Variants in CFAP99 observed in about 807,000 individuals in gnomAD.
CFAP99 encodes cilia and flagella associated protein 99, also known as cilia- and flagella-associated protein 99.
CFAP99 carries 84 observed loss-of-function variants against 82.7 expected under a neutral mutation model. That is an observed-to-expected ratio of 1.02 (90% confidence interval 0.85 to 1.22). The LOEUF (loss-of-function observed/expected upper bound fraction) is 1.22, where lower values mean the gene tolerates loss of function less well. Among genes scored for constraint, CFAP99 ranks in the 50% most tolerant of loss-of-function variants. CFAP99 has a pLI of 0.00. For missense variants in CFAP99, 1,059 were observed against 983.5 expected, an observed-to-expected ratio of 1.08 and a Z score of -1.03; for synonymous variants, 456 against 429.5, an observed-to-expected ratio of 1.06 and a Z score of -0.76.
In CFAP99 at chr4:2,460,217, G is replaced by A; in HGVS notation, c.1636G>A (p.Ala546Thr). ...GGAGCAGATCTCGCTGTGCCGTGCA[G>A]CCATGGGGAGATCCGCAGCCTTGAG... is the stretch of plus-strand genomic sequence containing the variant. Residue 546 changes from alanine to threonine, a missense_variant, in exon 14 of 15, where the codon GCC (alanine) becomes ACC (threonine). Coordinates refer to ENST00000635017, the Ensembl canonical transcript of CFAP99. 2.6e-6 allele frequency: 4 copies of A among 1,536,168 alleles called. No individual in the cohort carries two copies. In the South Asian group the frequency reaches 4.8e-5, roughly 18 times the overall value.
chr4:2,439,878 C>G (rs1030943784), intron 4 of CFAP99, among the ~76,000 whole-genome samples: 1 of 151,866 alleles, frequency 6.6e-6, no homozygotes, highest in Non-Finnish European at 1.5e-5. Flanking sequence ...GGGTCTCGCT[C>G]TGTCGCCCAG....
chr4:2,445,301 C>T (rs576917731), exon 6 of CFAP99: 11 of 1,349,220 alleles, frequency 8.2e-6, no homozygotes, highest in Admixed American at 6.9e-5. Context: ...GTGGCCAAGC[C>T]GAGACCCGTG....
rs200256556 is a variant in CFAP99 at position 2,421,347 on chromosome 4, A to G, written c.-18+2254A>G. Among the ~76,000 whole-genome samples, 2 of 104,142 alleles carry G rather than the reference A, an allele frequency of 1.9e-5. 1 individual carries two copies. The highest frequency in any genetic ancestry group is 6.4e-4 in the South Asian group (2 of 3,112). 68.3% of individuals were successfully genotyped at this position (104,142 alleles called of 152,430 possible). The stretch of plus-strand genomic sequence containing the variant: ...AGGAAAGAGAAGCTTTAGTCTGCCC[A>G]CCCTTTTTTTTTTTTTTTTTTTTTT... On this transcript the variant is annotated intron_variant, in intron 1 of 14. Coordinates refer to ENST00000635017, the Ensembl canonical transcript of CFAP99.
At chr4:2,441,354 C>G (rs1734033833) in intron 4 of CFAP99, among the ~76,000 whole-genome samples, 1 of 133,922 alleles carries the variant, frequency 7.5e-6, no homozygotes, top group South Asian at 2.3e-4. Context: ...GCCTGGGCGA[C>G]AGAGCGAGAC....
chr4:2,435,725 G>T (rs184706134), intron 2 of CFAP99, among the ~76,000 whole-genome samples: 54 of 152,292 alleles, frequency 3.5e-4, no homozygotes, highest in African/African-American at 1.3e-3. Flanking sequence ...GGAGTTAGAG[G>T]CCAGCCTGAG....
rs1428017274 is a variant in CFAP99 at position 2,446,870 on chromosome 4, T to A, written c.642+1562T>A. 6.7e-6 allele frequency among the ~76,000 whole-genome samples: 1 copy of A among 150,054 alleles called. No individual in the cohort carries two copies. The highest frequency in any genetic ancestry group is 2.5e-5 in the African/African-American group (1 of 40,532). ...ATTGGTGAATGGATAGATGGATGATTGGATGGAGGAATGAATGGGTGGATG... is the reference window on the plus strand; with the variant it reads ...ATTGGTGAATGGATAGATGGATGATAGGATGGAGGAATGAATGGGTGGATG... On this transcript the variant is annotated intron_variant, in intron 6 of 14. Coordinates refer to ENST00000635017, the Ensembl canonical transcript of CFAP99. The surrounding 1 kb of genome is among the most constrained non-coding windows in gnomAD (Gnocchi z 5.0).
chr4:2,441,416 G>A (rs1194933076), intron 4 of CFAP99, among the ~76,000 whole-genome samples: 1 of 150,312 alleles, frequency 6.7e-6, no homozygotes, highest in Non-Finnish European at 1.5e-5. Context: ...TCCATGTTTT[G>A]TCTTGCCCTG....
intron 4 of CFAP99, among the ~76,000 whole-genome samples, chr4:2,442,861 T>G (rs1734076788): frequency 6.7e-6 from 1 of 149,096 alleles, no homozygotes; most frequent in South Asian, 2.1e-4. Flanking sequence ...CCCTGCGCGG[T>G]GGCCTTGGGG....
intron 1 of CFAP99, among the ~76,000 whole-genome samples, chr4:2,422,008 C>T (rs1733595834): frequency 6.6e-6 from 1 of 152,122 alleles, no homozygotes; most frequent in Non-Finnish European, 1.5e-5. Flanking sequence ...AGCCACTGCA[C>T]TCCAGCCTGG....
At position 2,450,019 on chromosome 4, in the gene CFAP99, C is replaced by T; in HGVS notation, c.795+14C>T. ...GAGCGAGTGCAGGTACCGCCCAGCT[C>T]TCTCAAGACCCATCATCGAGGTGCC... On this transcript the variant is annotated intron_variant, in intron 8 of 14. Coordinates refer to ENST00000635017, the Ensembl canonical transcript of CFAP99. The T allele has an allele frequency of 6.5e-7, 1 of 1,535,800 alleles. No individual in the cohort carries two copies. The highest frequency in any genetic ancestry group is 8.7e-7 in the Non-Finnish European group (1 of 1,146,592).
chr4:2,461,171 T>C (rs1221859239), intron 14 of CFAP99, among the ~76,000 whole-genome samples: 2 of 152,170 alleles, frequency 1.3e-5, no homozygotes, highest in African/African-American at 4.8e-5. Flanking sequence ...CTGGTGATGT[T>C]TTTTAGCCCC....
chr4:2,443,146 T>C, exon 5 of CFAP99: 1 of 1,532,738 alleles, frequency 6.5e-7, no homozygotes, highest in Non-Finnish European at 8.7e-7. Context: ...AGGTTCTTCT[T>C]CAACCCCCTG....
At position 2,462,230 on chromosome 4, in the gene CFAP99, G is replaced by A. The variant is rs1327324413; in HGVS notation, c.1662-213G>A. 3 of 435,692 alleles carry A rather than the reference G, an allele frequency of 6.9e-6. No individual in the cohort carries two copies. The highest frequency in any genetic ancestry group is 1.2e-5 in the Non-Finnish European group (3 of 249,716). The allele number at this position is 435,692 out of a possible 1,614,324, so 27.0% of individuals were successfully genotyped here. On this transcript the variant is annotated intron_variant, in intron 14 of 14. Transcript: ENST00000635017. The surrounding 1 kb of genome is among the most constrained non-coding windows in gnomAD (Gnocchi z 4.1). ...GAGCAAAAGGGTAGATAGAAGTGCT[G>A]GAGACTCCCCCAACCCCTCCAGCCC... is the stretch of plus-strand genomic sequence containing the variant.
downstream of CFAP99, chr4:2,462,945 C>G (rs959838433): frequency 4.8e-6 from 6 of 1,257,148 alleles, no homozygotes; most frequent in African/African-American, 9.4e-5. The surrounding 1 kb of genome is among the most constrained non-coding windows in gnomAD (Gnocchi z 4.1). Context: ...GAGCGCGCCC[C>G]ACCCGCTTGC....
chr4:2,457,898 A>G (rs959308924), intron 11 of CFAP99, among the ~76,000 whole-genome samples: 3 of 152,172 alleles, frequency 2.0e-5, no homozygotes, highest in Non-Finnish European at 4.4e-5. Flanking sequence ...TTTCCCCACA[A>G]AGAAACTGAA....
chr4:2,438,578 G>T (rs1733972280), intron 4 of CFAP99, among the ~76,000 whole-genome samples: 1 of 152,072 alleles, frequency 6.6e-6, no homozygotes, highest in Non-Finnish European at 1.5e-5. Flanking sequence ...TGGTTTTAAT[G>T]AAAGAAACTC....
intron 2 of CFAP99, chr4:2,428,770 C>T (rs966278566): frequency 1.3e-5 from 2 of 152,814 alleles, no homozygotes; most frequent in African/African-American, 2.4e-5. Context: ...GCTCTCTGCT[C>T]TCTTTGCTAT....
chr4:2,459,984 G>A (rs1734576564), intron 13 of CFAP99, 53 bp from the exon 14 acceptor site: 5 of 1,494,540 alleles, frequency 3.3e-6, no homozygotes, highest in Non-Finnish European at 4.5e-6. Context: ...CTGGTGGGAA[G>A]CATCGGGGCC....
At chr4:2,456,664 C>T (rs1380677753) in intron 11 of CFAP99, among the ~76,000 whole-genome samples, 2 of 152,034 alleles carry the variant, frequency 1.3e-5, no homozygotes, top group African/African-American at 4.8e-5. Flanking sequence ...GGATTACAGG[C>T]ATGCACCATC....
Sources: allele counts gnomAD v4.1 joint callset (sites outside exome capture counted in the v4.1 genomes callset), GRCh38; gene constraint gnomAD v4.1.1; non-coding constraint Gnocchi (gnomAD v3.1); transcripts MANE v1.5; gene names NCBI Gene and HGNC (gene_info 2026-07-23, HGNC 2026-07-21).